Variants in AKAP6 observed in about 807,000 individuals in gnomAD.
AKAP6 encodes A-kinase anchor protein 6.
A neutral mutation model predicts 188.5 loss-of-function variants in AKAP6; 58 were observed. The observed-to-expected ratio is 0.31, with a 90% CI of 0.25 to 0.38. The LOEUF (loss-of-function observed/expected upper bound fraction) is 0.38, where lower values mean the gene tolerates loss of function less well. AKAP6 is among the 10% of genes least tolerant of loss of function. AKAP6 has a pLI of 1.00. For synonymous variants in AKAP6, 989 were observed against 998.6 expected (o/e 0.99, Z 0.18); for missense variants, 2,710 against 2,740.0 (o/e 0.99, Z 0.24).
At chr14:32,395,041 G>C (rs1481646980) in intron 1 of AKAP6, among the ~76,000 whole-genome samples, 1 of 151,370 alleles carries the variant, frequency 6.6e-6, no homozygotes, top group African/African-American at 2.4e-5. Flanking sequence ...GAATTAAGTA[G>C]TAATATGGCG....
At chr14:32,445,219 G>A (rs897766366) in intron 2 of AKAP6, among the ~76,000 whole-genome samples, 1 of 152,082 alleles carries the variant, frequency 6.6e-6, no homozygotes, top group Non-Finnish European at 1.5e-5. Context: ...TTGGAATATG[G>A]TTTCTTCTCT....
At chr14:32,438,786 C>G (rs996703736) in intron 2 of AKAP6, 1 of 152,168 alleles carries the variant, frequency 6.6e-6, no homozygotes, top group Admixed American at 6.5e-5. Flanking sequence ...AGATCAAGAA[C>G]CTTTAAAGGT....
intron 12 of AKAP6, among the ~76,000 whole-genome samples, chr14:32,795,283 C>T (rs567788153): frequency 3.9e-4 from 59 of 152,132 alleles, no homozygotes; most frequent in African/African-American, 1.2e-3. Context: ...TAACTCATTC[C>T]GTGAGGTCAG....
At chr14:32,657,504 G>A (rs922790645) in intron 7 of AKAP6, among the ~76,000 whole-genome samples, 69 of 152,156 alleles carry the variant, frequency 4.5e-4, no homozygotes, top group African/African-American at 1.6e-3. Flanking sequence ...AGATTTAAAC[G>A]AAAGCTCATG....
intron 3 of AKAP6, among the ~76,000 whole-genome samples, chr14:32,537,960 T>C (rs2139124275): frequency 6.6e-6 from 1 of 152,330 alleles, no homozygotes; most frequent in South Asian, 2.1e-4. Context: ...TGAATGGATT[T>C]GATTGGAAGC....
chr14:32,585,558 A>G (rs1202665903), intron 5 of AKAP6, among the ~76,000 whole-genome samples: 1 of 152,078 alleles, frequency 6.6e-6, no homozygotes, highest in Non-Finnish European at 1.5e-5. Context: ...TTTAGGTGCT[A>G]GGAATACATG....
chr14:32,629,385 A>G (rs890217309), intron 7 of AKAP6, among the ~76,000 whole-genome samples: 1 of 140,658 alleles, frequency 7.1e-6, no homozygotes, highest in Non-Finnish European at 1.5e-5. Context: ...CAGCATAACA[A>G]TGTGTTTTGC....
chr14:32,412,910 GACATTGC>G (rs920341005), intron 1 of AKAP6, among the ~76,000 whole-genome samples: 5 of 152,174 alleles, frequency 3.3e-5, no homozygotes, highest in Admixed American at 3.3e-4. Flanking sequence ...AGTAGGTATA[GACATTGC>G]ACTTTTTTCT....
At chr14:32,528,900 A>T (rs989810549) in intron 2 of AKAP6, among the ~76,000 whole-genome samples, 2 of 151,218 alleles carry the variant, frequency 1.3e-5, no homozygotes, top group African/African-American at 4.9e-5. Context: ...CTTGTCTTAA[A>T]CTCCTGACTT....
At chr14:32,586,629 A>T (rs1885263517) in intron 5 of AKAP6, among the ~76,000 whole-genome samples, 1 of 152,188 alleles carries the variant, frequency 6.6e-6, no homozygotes, top group Non-Finnish European at 1.5e-5. Context: ...AGACTGTCTC[A>T]AAAAACACAA....
intron 7 of AKAP6, among the ~76,000 whole-genome samples, chr14:32,658,714 G>T (rs1888556399): frequency 6.6e-6 from 1 of 150,422 alleles, no homozygotes; most frequent in South Asian, 2.1e-4. Flanking sequence ...ACTCTTAGGG[G>T]TGCAAAATAT....
intron 1 of AKAP6, among the ~76,000 whole-genome samples, chr14:32,416,629 A>G (rs1014530296): frequency 6.6e-6 from 1 of 151,988 alleles, no homozygotes; most frequent in East Asian, 1.9e-4. Context: ...ATCTTGGCTC[A>G]CTGCAACCTC....
chr14:32,654,167 C>A (rs1888349189), intron 7 of AKAP6, among the ~76,000 whole-genome samples: 1 of 152,098 alleles, frequency 6.6e-6, no homozygotes, highest in African/African-American at 2.4e-5. Context: ...TTTTCTCTTT[C>A]AAAAAATGTC....
chr14:32,724,306 C>A (rs1042417044), intron 9 of AKAP6, among the ~76,000 whole-genome samples: 1 of 152,134 alleles, frequency 6.6e-6, no homozygotes, highest in Non-Finnish European at 1.5e-5. Context: ...ATCCATTAAA[C>A]AATGATCTTT....
intron 2 of AKAP6, among the ~76,000 whole-genome samples, chr14:32,446,144 T>G (rs189761304): frequency 6.6e-6 from 1 of 152,354 alleles, no homozygotes; most frequent in Admixed American, 6.5e-5. Flanking sequence ...TATTTTAGCT[T>G]ATTTGAATTT....
At chr14:32,701,402 T>C (rs1890615026) in intron 9 of AKAP6, among the ~76,000 whole-genome samples, 1 of 152,138 alleles carries the variant, frequency 6.6e-6, no homozygotes, top group African/African-American at 2.4e-5. Flanking sequence ...ATGTATACTT[T>C]CTATAAGAAA....
At chr14:32,608,148 G>T (rs1324824226) in intron 7 of AKAP6, among the ~76,000 whole-genome samples, 2 of 152,058 alleles carry the variant, frequency 1.3e-5, no homozygotes, top group Non-Finnish European at 2.9e-5. Context: ...GAAAAAAATG[G>T]TTGGGAAAAT....
chr14:32,537,720 GCT>G, intron 3 of AKAP6, among the ~76,000 whole-genome samples: 5 of 152,134 alleles, frequency 3.3e-5, no homozygotes, highest in Admixed American at 1.3e-4. Context: ...TTGATAATCA[GCT>G]CTGTTGTAGG....
intron 11 of AKAP6, among the ~76,000 whole-genome samples, chr14:32,736,198 A>G (rs1005023671): frequency 6.6e-6 from 1 of 152,196 alleles, no homozygotes; most frequent in Non-Finnish European, 1.5e-5. Context: ...CCTTTGAAGG[A>G]CAGACCTAAA....
Sources: allele counts gnomAD v4.1 joint callset (sites outside exome capture counted in the v4.1 genomes callset), GRCh38; gene constraint gnomAD v4.1.1; transcripts MANE v1.5; gene names NCBI Gene and HGNC (gene_info 2026-07-23, HGNC 2026-07-21).